Variants in CCDC148 observed in about 807,000 individuals in gnomAD.
The protein encoded by CCDC148 is coiled-coil domain containing 148, also known as coiled-coil domain-containing protein 148.
A neutral mutation model predicts 85.7 loss-of-function variants in CCDC148; 89 were observed. The ratio of observed to expected loss-of-function variants is 1.04; its 90% CI spans 0.87 to 1.24. The LOEUF is 1.24. Among genes scored for constraint, CCDC148 ranks in the 50% most tolerant of loss-of-function variants. The pLI is 0.00. For missense variants in CCDC148, 692 were observed against 671.7 expected, an observed-to-expected ratio of 1.03 and a Z score of -0.33; for synonymous variants, 230 against 213.9, an observed-to-expected ratio of 1.08 and a Z score of -0.66.
chr2:158,345,620 C>A (rs887516271), intron 2 of CCDC148, among the ~76,000 whole-genome samples: 2 of 152,134 alleles, frequency 1.3e-5, no homozygotes, highest in African/African-American at 4.8e-5. Flanking sequence ...TCATATAACC[C>A]CAGAAAAGTT....
At chr2:158,285,538 T>C (rs1271982300) in intron 9 of CCDC148, among the ~76,000 whole-genome samples, 1 of 151,764 alleles carries the variant, frequency 6.6e-6, no homozygotes, top group Non-Finnish European at 1.5e-5. Context: ...TAACTACTTT[T>C]TTTTTTTTTT....
At chr2:158,289,168 T>C (rs1690774129) in intron 9 of CCDC148, among the ~76,000 whole-genome samples, 1 of 152,176 alleles carries the variant, frequency 6.6e-6, no homozygotes, top group Non-Finnish European at 1.5e-5. Flanking sequence ...AGTCAGGAAA[T>C]TATTTCTTAC....
rs778325207 is a variant in CCDC148 at position 158,171,943 on chromosome 2, T to A, written c.*170A>T. 4.0e-5 allele frequency: 21 copies of A among 526,612 alleles called. No homozygotes were observed. Among genetic ancestry groups the A allele is most frequent in the Admixed American group, 2.3e-4 (6 of 25,634 alleles). The allele number at this position is 526,612 out of a possible 1,614,324, so 32.6% of individuals were successfully genotyped here. ...AAATATAACTTAAAGATACAGGAAA[T>A]ATAGTGCATAAAATTCTAAGAATCA... is the stretch of plus-strand genomic sequence containing the variant. On this transcript the variant is annotated 3_prime_UTR_variant, in exon 14 of 14. Transcript: ENST00000283233.
At chr2:158,198,068 A>C (rs905212698) in intron 11 of CCDC148, among the ~76,000 whole-genome samples, 3 of 152,274 alleles carry the variant, frequency 2.0e-5, no homozygotes, top group Admixed American at 2.0e-4. Flanking sequence ...AACCTACTCC[A>C]AACACTTCAA....
At chr2:158,343,835 T>C (rs1682861753) in intron 3 of CCDC148, among the ~76,000 whole-genome samples, 2 of 152,320 alleles carry the variant, frequency 1.3e-5, no homozygotes, top group Admixed American at 6.5e-5. Context: ...AAACTTATCC[T>C]GGAATTCTTC....
chr2:158,429,400 GA>G (rs1687235058), intron 1 of CCDC148, among the ~76,000 whole-genome samples: 1 of 151,908 alleles, frequency 6.6e-6, no homozygotes, highest in Admixed American at 6.6e-5. Context: ...TAGATAGATA[GA>G]TAGGAATACT....
chr2:158,300,225 G>A (rs1198220060), intron 9 of CCDC148, among the ~76,000 whole-genome samples: 1 of 152,202 alleles, frequency 6.6e-6, no homozygotes, highest in Non-Finnish European at 1.5e-5. Flanking sequence ...GGAGAGTACT[G>A]TGTCAGGAGG....
chr2:158,393,678 T>C (rs1685411028), intron 1 of CCDC148, among the ~76,000 whole-genome samples: 1 of 152,088 alleles, frequency 6.6e-6, no homozygotes, highest in African/African-American at 2.4e-5. Context: ...GGCTTCAATT[T>C]TGAAAAGGGC....
chr2:158,224,019 T>A (rs2105305542), intron 10 of CCDC148, among the ~76,000 whole-genome samples: 1 of 151,864 alleles, frequency 6.6e-6, no homozygotes, highest in African/African-American at 2.4e-5. Context: ...ATCAAACTAC[T>A]CCGAGCTAAA....
At chr2:158,191,405 C>T (rs1407844985) in intron 11 of CCDC148, among the ~76,000 whole-genome samples, 2 of 151,842 alleles carry the variant, frequency 1.3e-5, no homozygotes, top group African/African-American at 2.4e-5. Context: ...AAATGATCAG[C>T]GAAGAGGCTT....
chr2:158,443,982 A>G (rs1019191133), intron 1 of CCDC148, among the ~76,000 whole-genome samples: 1 of 152,240 alleles, frequency 6.6e-6, no homozygotes, highest in East Asian at 1.9e-4. Flanking sequence ...ATTACAGTGT[A>G]CCCATATCGA....
At chr2:158,339,165 C>T (rs986725345) in intron 5 of CCDC148, 80 bp from the exon 6 acceptor site, 11 of 1,095,530 alleles carry the variant, frequency 1.0e-5, no homozygotes, top group Non-Finnish European at 1.5e-5. Flanking sequence ...AATAATTATT[C>T]TCAAAAGCCA....
chr2:158,271,149 A>G (rs1291523911), intron 9 of CCDC148, among the ~76,000 whole-genome samples: 1 of 152,174 alleles, frequency 6.6e-6, no homozygotes, highest in Non-Finnish European at 1.5e-5. Flanking sequence ...ATCATCTAAT[A>G]GATTTAATGA....
At chr2:158,343,489 T>G (rs1423656604) in intron 3 of CCDC148, among the ~76,000 whole-genome samples, 2 of 152,208 alleles carry the variant, frequency 1.3e-5, no homozygotes, top group African/African-American at 4.8e-5. Context: ...ACTCGGTTGG[T>G]GCAAAAATAA....
chr2:158,328,701 C>T (rs1692925750), intron 7 of CCDC148, among the ~76,000 whole-genome samples: 1 of 152,182 alleles, frequency 6.6e-6, no homozygotes, highest in African/African-American at 2.4e-5. Flanking sequence ...TTAATGACTG[C>T]CATTCTAACT....
intron 10 of CCDC148, among the ~76,000 whole-genome samples, chr2:158,222,427 C>T (rs1421237729): frequency 1.3e-5 from 2 of 152,110 alleles, no homozygotes; most frequent in African/African-American, 2.4e-5. Context: ...TACCAACCTT[C>T]AGGCATTGCT....
intron 7 of CCDC148, among the ~76,000 whole-genome samples, chr2:158,331,717 T>C (rs1241318303): frequency 1.3e-5 from 2 of 152,202 alleles, no homozygotes; most frequent in Admixed American, 6.5e-5. Flanking sequence ...ATATTTAGGA[T>C]AGTTAGCTCT....
chr2:158,391,846 T>C (rs943657855), intron 1 of CCDC148, among the ~76,000 whole-genome samples: 2 of 152,076 alleles, frequency 1.3e-5, no homozygotes, highest in Non-Finnish European at 2.9e-5. Flanking sequence ...GGTGAGCATA[T>C]CAGGCAATAA....
At chr2:158,360,420 A>T (rs780627412) in intron 1 of CCDC148, among the ~76,000 whole-genome samples, 1 of 152,086 alleles carries the variant, frequency 6.6e-6, no homozygotes, top group Non-Finnish European at 1.5e-5. Flanking sequence ...CATACAGGAG[A>T]GCTCCAGCTG....
Sources: gnomAD v4.1 joint callset for allele counts (sites outside exome capture counted in the v4.1 genomes callset) on GRCh38, gnomAD v4.1.1 for gene constraint, MANE v1.5 for transcripts, NCBI Gene and HGNC (gene_info 2026-07-23, HGNC 2026-07-21) for gene names.